The following RCN1 variants were observed in gnomAD, a reference collection of about 807,000 sequenced individuals.
RCN1 encodes reticulocalbin-1.
Under a neutral mutation model 34.7 loss-of-function variants are expected in RCN1, and 14 were observed. That is an observed-to-expected ratio of 0.40 (90% CI 0.27 to 0.63). The LOEUF (loss-of-function observed/expected upper bound fraction) is 0.63, where lower values mean the gene tolerates loss of function less well. RCN1 is among the 30% of genes least tolerant of loss of function. The pLI is 0.37. For missense variants in RCN1, 326 were observed against 425.1 expected, an observed-to-expected ratio of 0.77 and a Z score of 2.05; for synonymous variants, 125 against 165.5, an observed-to-expected ratio of 0.76 and a Z score of 1.88.
In RCN1 at chr11:32,101,260, C is replaced by A. The variant is rs191232296; in HGVS notation, c.688+652C>A. Among the ~76,000 whole-genome samples, 582 of 138,086 alleles carry A rather than the reference C, an allele frequency of 4.2e-3. 7 individuals are homozygous for A. The highest frequency in any genetic ancestry group is 6.1e-3 in the Non-Finnish European group (385 of 63,166). The allele number at this position is 138,086 out of a possible 152,430, so 90.6% of individuals were successfully genotyped here. A position where few individuals can be genotyped will look rare whatever the true frequency, so the allele number is the denominator to read the frequency against. On this transcript the variant is annotated intron_variant, in intron 4 of 5. Coordinates refer to ENST00000054950, the MANE Select transcript of RCN1 (RefSeq NM_002901.4). ...CCAAATCCCCCCCAGCCCAACCCCC[C>A]GCTAGAAAGGACTAGAGCAGGCAAC...
intron 1 of RCN1, chr11:32,096,787 A>T: frequency 5.2e-6 from 1 of 192,796 alleles, no homozygotes; most frequent in Non-Finnish European, 1.1e-5. Flanking sequence ...GGACTACAGC[A>T]GGGAAGATTA....
chr11:32,091,506 G>C (rs1438724093), intron 1 of RCN1, 56 bp downstream of exon 1: 3 of 1,519,582 alleles, frequency 2.0e-6, no homozygotes, highest in Non-Finnish European at 2.6e-6. Flanking sequence ...AGGGCCGCCT[G>C]GGCGAGAGCC....
chr11:32,105,392 T>C lies in RCN1; in HGVS notation c.*920T>C, dbSNP rs6711. ...AGTGAATCCACGACCCGCAGACCTG[T>C]CCCCCCGCAACAGCTTATACCATGG... On this transcript the variant is annotated 3_prime_UTR_variant, in exon 6 of 6. Transcript: ENST00000054950. 89,769 of 152,424 alleles carry C rather than the reference T, an allele frequency of 0.59. 28,403 individuals are homozygous for C. The highest frequency in any genetic ancestry group is 0.96 in the East Asian group (4,941 of 5,158). The allele number at this position is 152,424 out of a possible 1,614,324, so 9.4% of individuals were successfully genotyped here.
At chr11:32,098,321 A>G in intron 2 of RCN1, 29 bp from the exon 3 acceptor site, 2 of 1,588,718 alleles carry the variant, frequency 1.3e-6, no homozygotes, top group Non-Finnish European at 1.7e-6. Context: ...CACGGTTTAA[A>G]AACATTTCTG....
At chr11:32,098,312 A>G (rs767240795) in intron 2 of RCN1, 38 bp from the exon 3 acceptor site, 1 of 1,569,336 alleles carries the variant, frequency 6.4e-7, no homozygotes, top group Non-Finnish European at 8.6e-7. Context: ...TCTTGACCGC[A>G]CGGTTTAAAA....
chr11:32,100,727 C>T (rs1336636926), intron 4 of RCN1, 119 bp downstream of exon 4: 2 of 693,000 alleles, frequency 2.9e-6, no homozygotes, highest in African/African-American at 3.6e-5. Context: ...CTATACGTCA[C>T]TCCTGGGAGC....
chr11:32,102,569 G>A (rs1852057965), intron 4 of RCN1: 1 of 155,384 alleles, frequency 6.4e-6, no homozygotes, highest in Admixed American at 6.3e-5. Context: ...GTACAATGGG[G>A]ATAATGACCC....
At position 32,091,112 on chromosome 11, in the gene RCN1, C is replaced by G; in HGVS notation, c.-85C>G. The G allele has an allele frequency of 7.4e-7, 1 of 1,355,746 alleles. No homozygotes were observed. Among genetic ancestry groups the G allele is most frequent in the Non-Finnish European group, 9.4e-7 (1 of 1,058,538 alleles). 84.0% of individuals were successfully genotyped at this position (1,355,746 alleles called of 1,614,324 possible). A position where few individuals can be genotyped will look rare whatever the true frequency, so the allele number is the denominator to read the frequency against. On this transcript the variant is annotated 5_prime_UTR_variant, in exon 1 of 6. Coordinates refer to ENST00000054950, the MANE Select transcript of RCN1 (RefSeq NM_002901.4). The stretch of plus-strand genomic sequence containing the variant: ...GCGCCGGCCCCAACCCTGTCGCTGC[C>G]GCCGCGCTCCGAGTCCCCATTCCCG...
At chr11:32,098,285 C>T in intron 2 of RCN1, 65 bp from the exon 3 acceptor site, 1 of 1,426,014 alleles carries the variant, frequency 7.0e-7, no homozygotes. Flanking sequence ...GATGAGTGAT[C>T]TGGCAGGAAA....
chr11:32,096,991 C>T (rs1367565652), intron 1 of RCN1, 153 bp from the exon 2 acceptor site: 2 of 601,998 alleles, frequency 3.3e-6, no homozygotes, highest in East Asian at 6.2e-5. Flanking sequence ...TTCCTTCCAG[C>T]CTCCTTGGAT....
chr11:32,102,848 TTATACA>T, intron 4 of RCN1: 1 of 358,186 alleles, frequency 2.8e-6, no homozygotes, highest in Non-Finnish European at 5.3e-6. Flanking sequence ...GTAGAACACT[TTATACA>T]GTATCTGGAC....
At chr11:32,094,014 C>G (rs1259560416) in intron 1 of RCN1, among the ~76,000 whole-genome samples, 1 of 152,196 alleles carries the variant, frequency 6.6e-6, no homozygotes, top group Admixed American at 6.5e-5. Flanking sequence ...GGTCTCTGGC[C>G]TTAGCCACCA....
chr11:32,096,353 C>T (rs924772489), intron 1 of RCN1, among the ~76,000 whole-genome samples: 2 of 152,136 alleles, frequency 1.3e-5, no homozygotes, highest in African/African-American at 2.4e-5. Flanking sequence ...TTGCTCTGGG[C>T]TAGCATTTAG....
At chr11:32,097,428 T>G in intron 2 of RCN1, 91 bp downstream of exon 2, 20 of 886,868 alleles carry the variant, frequency 2.3e-5, no homozygotes, top group Non-Finnish European at 3.1e-5. Flanking sequence ...TCCACTCCCT[T>G]CAGGGAGATG....
chr11:32,098,755 C>G (rs1434778848), intron 3 of RCN1, among the ~76,000 whole-genome samples: 2 of 152,266 alleles, frequency 1.3e-5, no homozygotes, highest in East Asian at 1.9e-4. Context: ...AAAGCTTGTT[C>G]CAGCCAGATG....
rs766052252 is a variant in RCN1 at position 32,104,382 on chromosome 11, A to G, written c.906A>G (p.Lys302=). ...TTCTATAGGATGAGAAGCTAACTAA[A>G]GAGGAAATATTGGAGAACTGGAACA... is the stretch of plus-strand genomic sequence containing the variant. ...SDKNKDEKLT[K]EEILENWNMF... Residue 302 remains lysine (K), a synonymous_variant, in exon 6 of 6, where the codon AAA becomes AAG. Coordinates refer to ENST00000054950, the MANE Select transcript of RCN1 (RefSeq NM_002901.4). The G allele has an allele frequency of 2.1e-5, 33 of 1,572,982 alleles. No individual in the cohort carries two copies. The Admixed American group carries it at 3.0e-4, about 14-fold the overall frequency.
rs912990138 is a variant in RCN1 at position 32,105,273 on chromosome 11, A to G, written c.*801A>G. 3.0e-5 allele frequency: 5 copies of G among 164,930 alleles called. No individual in the cohort carries two copies. Among genetic ancestry groups the G allele is most frequent in the South Asian group, 2.1e-4 (1 of 4,834 alleles). 10.2% of individuals were successfully genotyped at this position (164,930 alleles called of 1,614,324 possible). A position where few individuals can be genotyped will look rare whatever the true frequency, so the allele number is the denominator to read the frequency against. On this transcript the variant is annotated 3_prime_UTR_variant, in exon 6 of 6. Transcript: ENST00000054950. ...CTTTGAAATAGTGAATAGGAATACA[A>G]TGCATTTCCTCAGTGATCACTGATT...
intron 1 of RCN1, chr11:32,096,794 A>AT: frequency 5.0e-6 from 1 of 201,930 alleles, no homozygotes; most frequent in Non-Finnish European, 9.9e-6. Context: ...AGCAGGGAAG[A>AT]TTAATAGGTT....
In RCN1 at chr11:32,091,333, G is replaced by A; in HGVS notation, c.137G>A (p.Gly46Asp). 1 of 1,548,258 alleles carries A rather than the reference G, an allele frequency of 6.5e-7. No homozygotes were observed. The highest frequency in any genetic ancestry group is 8.7e-7 in the Non-Finnish European group (1 of 1,146,282). The change falls in exon 1 of 6, where the codon GGC becomes GAC. Residue 46 changes from glycine (G) to aspartate (D), a missense_variant. Gly to Asp is a moderately conservative substitution (Grantham distance 94). Transcript: ENST00000054950. Reference protein sequence around the residue: ...ERVVRPDSELGERPPEDNQSF... With the variant: ...ERVVRPDSELDERPPEDNQSF... ...GTGGTGCGGCCCGACTCGGAGCTGG[G>A]CGAGCGGCCCCCTGAGGACAACCAG...
Sources: gnomAD v4.1 joint callset for allele counts (sites outside exome capture counted in the v4.1 genomes callset) on GRCh38, gnomAD v4.1.1 for gene constraint, MANE v1.5 for transcripts, NCBI Gene and HGNC (gene_info 2026-07-23, HGNC 2026-07-21) for gene names.